Variants in PROK2 observed in about 807,000 individuals in gnomAD.
PROK2 encodes the protein prokineticin-2.
Under a neutral mutation model 14.2 loss-of-function variants are expected in PROK2, and 8 were observed. The ratio of observed to expected loss-of-function variants is 0.56; its 90% CI spans 0.33 to 1.02. PROK2 has a LOEUF of 1.02. Ranked by LOEUF, PROK2 falls within the 50% of genes least tolerant of loss-of-function variation. PROK2 has a pLI of 0.03. For missense variants in PROK2, 154 were observed against 160.4 expected (o/e 0.96, Z 0.22); for synonymous variants, 59 against 60.7 (o/e 0.97, Z 0.13).
chr3:71,772,478 A>C lies in PROK2; in HGVS notation c.*246T>G. On this transcript the variant is annotated 3_prime_UTR_variant, in exon 4 of 4. Transcript: ENST00000295619. Reference sequence around the variant, plus strand: ...TTAAGAAAAAAGCCAAATCAAACCAAAACACAAACAGGGAAATAAGAACCA... The same window carrying C: ...TTAAGAAAAAAGCCAAATCAAACCACAACACAAACAGGGAAATAAGAACCA... 2.2e-6 allele frequency: 1 copy of C among 447,216 alleles called. No homozygotes were observed. Among genetic ancestry groups the C allele is most frequent in the Non-Finnish European group, 4.0e-6 (1 of 252,544 alleles). 27.7% of individuals were successfully genotyped at this position (447,216 alleles called of 1,614,324 possible). A position where few individuals can be genotyped will look rare whatever the true frequency, so the allele number is the denominator to read the frequency against.
At chr3:71,774,604 CA>C in intron 2 of PROK2, 97 bp from the exon 3 acceptor site, 1 of 1,434,564 alleles carries the variant, frequency 7.0e-7, no homozygotes, top group South Asian at 1.4e-5. Flanking sequence ...ACTGGCGGAG[CA>C]AGATACAGCC....
At chr3:71,778,726 C>CT (rs1465769359) in intron 2 of PROK2, among the ~76,000 whole-genome samples, 1 of 152,142 alleles carries the variant, frequency 6.6e-6, no homozygotes, top group Non-Finnish European at 1.5e-5. Flanking sequence ...GACCATACAG[C>CT]TGAGAGATAT....
intron 2 of PROK2, among the ~76,000 whole-genome samples, chr3:71,780,176 G>C (rs1332762301): frequency 6.6e-6 from 1 of 152,212 alleles, no homozygotes; most frequent in Non-Finnish European, 1.5e-5. Context: ...AACCACAGGA[G>C]GGATGGTTTA....
chr3:71,785,087 T>G lies in PROK2; in HGVS notation c.-35A>C. On this transcript the variant is annotated 5_prime_UTR_variant, in exon 1 of 4. Coordinates refer to ENST00000295619, the MANE Select transcript of PROK2 (RefSeq NM_001126128.2). ...GGGACTGGGCGGCCGCCGGAGGCAG[T>G]TGGGGGCGCGGGGCCCGGGTGCGCT... 2 of 1,212,830 alleles carry G rather than the reference T, an allele frequency of 1.6e-6. No homozygotes were observed. Among genetic ancestry groups the G allele is most frequent in the Non-Finnish European group, 1.0e-6 (1 of 968,500 alleles). 75.1% of individuals were successfully genotyped at this position (1,212,830 alleles called of 1,614,324 possible).
chr3:71,772,637 C>G lies in PROK2; in HGVS notation c.*87G>C. The stretch of plus-strand genomic sequence containing the variant: ...GTTGAGGAAGCAAGAGCATTTCTTT[C>G]TGGCACATTTTTTGTTTGGCACAAT... On this transcript the variant is annotated 3_prime_UTR_variant, in exon 4 of 4. Transcript: ENST00000295619. The G allele has an allele frequency of 8.7e-7, 1 of 1,153,248 alleles. No individual in the cohort carries two copies. Among genetic ancestry groups the G allele is most frequent in the Non-Finnish European group, 1.3e-6 (1 of 765,494 alleles). 71.4% of individuals were successfully genotyped at this position (1,153,248 alleles called of 1,614,324 possible).
At chr3:71,776,363 CATTTTTT>C (rs1195628551) in intron 2 of PROK2, among the ~76,000 whole-genome samples, 32 of 92,050 alleles carry the variant, frequency 3.5e-4, no homozygotes, top group African/African-American at 4.4e-4. Flanking sequence ...TTTCGCTTTT[CATTTTTT>C]TTTTTTTTTT....
chr3:71,784,810 T>G, intron 1 of PROK2, 147 bp downstream of exon 1: 1 of 596,944 alleles, frequency 1.7e-6, no homozygotes, highest in Non-Finnish European at 2.4e-6. Flanking sequence ...TTTTCCCAAG[T>G]GCACCAAGGG....
At chr3:71,782,478 G>A (rs1257229928) in intron 1 of PROK2, among the ~76,000 whole-genome samples, 1 of 152,134 alleles carries the variant, frequency 6.6e-6, no homozygotes. Context: ...CTAGTAAATA[G>A]AAATAAATAA....
Position 71,771,998 on chromosome 3 carries a change from A to T in PROK2, c.*726T>A, listed in dbSNP as rs1167825280. 2 of 152,210 alleles carry T rather than the reference A, an allele frequency of 1.3e-5. No individual in the cohort carries two copies. The highest frequency in any genetic ancestry group is 1.3e-4 in the Admixed American group (2 of 15,276). 9.4% of individuals were successfully genotyped at this position (152,210 alleles called of 1,614,324 possible). On this transcript the variant is annotated 3_prime_UTR_variant, in exon 4 of 4. Transcript: ENST00000295619. ...CAAACCTAGAAATCTGGACTAAATT[A>T]ATTTGGCTTTCCATTCCTTCTGTCC...
rs1044598668 is a variant in PROK2 at position 71,772,556 on chromosome 3, C to T, written c.*168G>A. 83 of 643,846 alleles carry T rather than the reference C, an allele frequency of 1.3e-4. No homozygotes were observed. The highest frequency in any genetic ancestry group is 1.3e-4 in the Non-Finnish European group (50 of 375,462). The allele number at this position is 643,846 out of a possible 1,614,324, so 39.9% of individuals were successfully genotyped here. A position where few individuals can be genotyped will look rare whatever the true frequency, so the allele number is the denominator to read the frequency against. On this transcript the variant is annotated 3_prime_UTR_variant, in exon 4 of 4. Coordinates refer to ENST00000295619, the MANE Select transcript of PROK2 (RefSeq NM_001126128.2). ...TCTATCCAAAAGTAAAATTCTCTTT[C>T]GATAAAAAAAAAAAAAAATCATTTA...
intron 3 of PROK2, among the ~76,000 whole-genome samples, chr3:71,774,013 A>C (rs866724791): frequency 3.9e-5 from 6 of 152,368 alleles, no homozygotes; most frequent in African/African-American, 9.6e-5. Flanking sequence ...CTGTGAAATC[A>C]GATGGCAAGT....
At chr3:71,774,416 C>T (rs529133924) in intron 3 of PROK2, 29 bp downstream of exon 3, 21 of 1,551,574 alleles carry the variant, frequency 1.4e-5, no homozygotes, top group East Asian at 4.9e-5. Context: ...GCATGTCTTT[C>T]GGTGGTACCA....
chr3:71,774,399 C>A (rs561385893), intron 3 of PROK2, 46 bp downstream of exon 3: 2 of 1,551,462 alleles, frequency 1.3e-6, no homozygotes, highest in East Asian at 4.9e-5. Flanking sequence ...AAGGCTAATT[C>A]TTCTGGGCAT....
rs117495796 is a variant in PROK2, at chr3:71,776,900, T to C, written c.223-2393A>G. ...CCAACACTTAATGCAAAGTTTCCAA[T>C]AGCCTAGAATTCCAAACAGCAAATT... On this transcript the variant is annotated intron_variant, in intron 2 of 3. Transcript: ENST00000295619. Among the ~76,000 whole-genome samples, 108 of 152,320 alleles carry C rather than the reference T, an allele frequency of 7.1e-4. No individual in the cohort carries two copies. In the East Asian group the frequency reaches 0.02, roughly 29 times the overall value.
In PROK2 at chr3:71,772,450, C is replaced by A; in HGVS notation, c.*274G>T. On this transcript the variant is annotated 3_prime_UTR_variant, in exon 4 of 4. Transcript: ENST00000295619. ...TTTGTGAAAATGGGTACGTTTTTGA[C>A]ATTTAAGAAAAAAGCCAAATCAAAC... is the stretch of plus-strand genomic sequence containing the variant. 1 of 373,804 alleles carries A rather than the reference C, an allele frequency of 2.7e-6. No individual in the cohort carries two copies. The highest frequency in any genetic ancestry group is 4.8e-6 in the Non-Finnish European group (1 of 208,386). 23.2% of individuals were successfully genotyped at this position (373,804 alleles called of 1,614,324 possible).
At chr3:71,781,377 G>A (rs916941905) in intron 2 of PROK2, 90 bp downstream of exon 2, 17 of 1,503,708 alleles carry the variant, frequency 1.1e-5, no homozygotes, top group East Asian at 2.3e-5. Flanking sequence ...TTTGTTTGTC[G>A]AGCACGTTAC....
At chr3:71,773,271 T>C (rs1388744294) in intron 3 of PROK2, among the ~76,000 whole-genome samples, 3 of 152,220 alleles carry the variant, frequency 2.0e-5, no homozygotes, top group South Asian at 4.1e-4. Flanking sequence ...TGAGTTACCA[T>C]ACCCGGCCTG....
At chr3:71,778,182 G>A (rs1472386842) in intron 2 of PROK2, among the ~76,000 whole-genome samples, 1 of 151,676 alleles carries the variant, frequency 6.6e-6, no homozygotes, top group African/African-American at 2.4e-5. Flanking sequence ...GGGTGACAAA[G>A]CGAGACTCTG....
chr3:71,776,442 A>G (rs934386119), intron 2 of PROK2, among the ~76,000 whole-genome samples: 1 of 125,398 alleles, frequency 8.0e-6, no homozygotes, highest in African/African-American at 3.2e-5. Flanking sequence ...CAATGGCATG[A>G]TCTCAGCTCA....
Sources: allele counts gnomAD v4.1 joint callset (sites outside exome capture counted in the v4.1 genomes callset), GRCh38; gene constraint gnomAD v4.1.1; transcripts MANE v1.5; gene names NCBI Gene and HGNC (gene_info 2026-07-23, HGNC 2026-07-21).